COBLL1: variants seen among roughly 807,000 people sequenced by gnomAD.
The protein encoded by COBLL1 is cordon-bleu protein-like 1.
COBLL1 carries 50 observed loss-of-function variants against 94.8 expected under a neutral mutation model. The ratio of observed to expected loss-of-function variants is 0.53; its 90% CI spans 0.42 to 0.67. COBLL1 has a LOEUF of 0.67. Among genes scored for constraint, COBLL1 ranks in the 30% least tolerant of loss-of-function variants. The pLI, the probability that COBLL1 is intolerant of heterozygous loss-of-function variation, is 0.00. For synonymous variants in COBLL1, 448 were observed against 473.8 expected (o/e 0.95, Z 0.71); for missense variants, 1,362 against 1,348.7 (o/e 1.01, Z -0.15).
rs1254851043 is a variant in COBLL1, at chr2:164,729,071, G to A, written c.432+843C>T. On this transcript the variant is annotated intron_variant, in intron 4 of 13. Coordinates refer to ENST00000652658, the MANE Select transcript of COBLL1 (RefSeq NM_001365672.2). ...GGGATATGTAATAAACACCTAGACA[G>A]AAACAAATACCTAGACAGAAGGCAG... is the stretch of plus-strand genomic sequence containing the variant. Among the ~76,000 whole-genome samples, 5 of 151,596 alleles carry A rather than the reference G, an allele frequency of 3.3e-5. No homozygotes were observed. In the South Asian group the frequency reaches 8.3e-4, roughly 25 times the overall value.
chr2:164,714,781 A>G (rs1443722060), intron 7 of COBLL1, among the ~76,000 whole-genome samples: 1 of 152,198 alleles, frequency 6.6e-6, no homozygotes, highest in African/African-American at 2.4e-5. Flanking sequence ...TAGAGAGGCT[A>G]AGTAAACTTC....
chr2:164,811,291 T>A (rs1223803401), intron 2 of COBLL1, among the ~76,000 whole-genome samples: 1 of 152,012 alleles, frequency 6.6e-6, no homozygotes, highest in Non-Finnish European at 1.5e-5. Context: ...GTGTTTGGAA[T>A]TGTTCTAGAT....
chr2:164,753,031 T>A (rs1687205946), intron 2 of COBLL1, among the ~76,000 whole-genome samples: 1 of 152,158 alleles, frequency 6.6e-6, no homozygotes, highest in Non-Finnish European at 1.5e-5. Flanking sequence ...ACAAGTAGCA[T>A]TTGGTTGAAA....
intron 2 of COBLL1, among the ~76,000 whole-genome samples, chr2:164,806,166 A>T (rs932652582): frequency 6.6e-6 from 1 of 152,142 alleles, no homozygotes; most frequent in Non-Finnish European, 1.5e-5. Flanking sequence ...AGGAAAAAAA[A>T]AAACTCCAAC....
chr2:164,794,375 G>A (rs964475023), intron 2 of COBLL1, among the ~76,000 whole-genome samples: 1 of 152,126 alleles, frequency 6.6e-6, no homozygotes, highest in Non-Finnish European at 1.5e-5. Flanking sequence ...TTGAGTTTGG[G>A]AGGTATGTTA....
chr2:164,686,043 G>C lies in COBLL1; in HGVS notation c.3301-11C>G, dbSNP rs1272220559. 4.6e-6 allele frequency: 7 copies of C among 1,523,396 alleles called. No homozygotes were observed. The highest frequency in any genetic ancestry group is 6.3e-6 in the Non-Finnish European group (7 of 1,104,178). 94.4% of individuals were successfully genotyped at this position (1,523,396 alleles called of 1,614,324 possible). On this transcript the variant is annotated splice_polypyrimidine_tract_variant and intron_variant, in intron 13 of 13. Transcript: ENST00000652658. ...TGATGGAATGGTAACCTAAGAGAAA[G>C]AAACACACTTTGCACCCATCAATTT...
At chr2:164,803,088 G>T (rs1346653119) in intron 2 of COBLL1, among the ~76,000 whole-genome samples, 1 of 152,148 alleles carries the variant, frequency 6.6e-6, no homozygotes, top group African/African-American at 2.4e-5. Flanking sequence ...AAGCCTTAGT[G>T]ATCTTCTGGA....
chr2:164,810,831 A>C (rs2105338791), intron 2 of COBLL1, among the ~76,000 whole-genome samples: 1 of 152,084 alleles, frequency 6.6e-6, no homozygotes, highest in Non-Finnish European at 1.5e-5. Context: ...AAATAAATAC[A>C]TGAAGCATGC....
intron 2 of COBLL1, among the ~76,000 whole-genome samples, chr2:164,796,219 G>C (rs1683447949): frequency 6.6e-6 from 1 of 152,120 alleles, no homozygotes; most frequent in Non-Finnish European, 1.5e-5. Context: ...TGAAGGTTAC[G>C]GGGCATAACC....
intron 7 of COBLL1, among the ~76,000 whole-genome samples, chr2:164,707,616 T>C (rs1023953067): frequency 6.6e-6 from 1 of 152,172 alleles, no homozygotes; most frequent in Admixed American, 6.5e-5. Flanking sequence ...GAGATTTTTT[T>C]CCCCTACTAT....
chr2:164,710,961 A>G (rs1574453720), intron 7 of COBLL1, among the ~76,000 whole-genome samples: 3 of 152,192 alleles, frequency 2.0e-5, no homozygotes, highest in Admixed American at 2.0e-4. Flanking sequence ...TCAGAGCTAA[A>G]CTACCCACTA....
At chr2:164,769,543 G>C (rs1413109493) in intron 2 of COBLL1, among the ~76,000 whole-genome samples, 2 of 152,100 alleles carry the variant, frequency 1.3e-5, no homozygotes, top group Non-Finnish European at 2.9e-5. Context: ...CCAAATTACA[G>C]ATTAATTAAA....
At chr2:164,672,398 C>T (rs1044260881) in intron 1 of COBLL1, among the ~76,000 whole-genome samples, 12 of 151,914 alleles carry the variant, frequency 7.9e-5, no homozygotes, top group Non-Finnish European at 1.3e-4. Context: ...TTTCTTCTTC[C>T]CTTAAAAATG....
chr2:164,713,688 T>C (rs181059087), intron 7 of COBLL1, among the ~76,000 whole-genome samples: 1 of 152,270 alleles, frequency 6.6e-6, no homozygotes, highest in Non-Finnish European at 1.5e-5. Flanking sequence ...AAATATCAAG[T>C]CTTTTACCTC....
chr2:164,800,277 G>T (rs355914), intron 2 of COBLL1, among the ~76,000 whole-genome samples: 1 of 151,952 alleles, frequency 6.6e-6, no homozygotes, highest in African/African-American at 2.4e-5. Flanking sequence ...TTAAACAGTT[G>T]TCTCAAAAAA....
At chr2:164,704,598 A>C (rs10183656) in intron 8 of COBLL1, 80 bp from the exon 9 acceptor site, 14,654 of 1,202,664 alleles carry the variant, frequency 0.012, 234 homozygotes, top group African/African-American at 0.078. Flanking sequence ...TTAGTTATAT[A>C]GTTCAGAAAG....
At chr2:164,827,044 T>G (rs6710005) in intron 2 of COBLL1, among the ~76,000 whole-genome samples, 35,814 of 151,916 alleles carry the variant, frequency 0.24, 4,545 homozygotes, top group African/African-American at 0.34. Flanking sequence ...TCCACCTCCC[T>G]GGTTCAAGAG....
chr2:164,715,664 A>G (rs1685125418), intron 7 of COBLL1, among the ~76,000 whole-genome samples: 1 of 152,094 alleles, frequency 6.6e-6, no homozygotes, highest in African/African-American at 2.4e-5. Context: ...ATAATGTAAA[A>G]CATTTAAAAA....
At chr2:164,717,716 G>T (rs1685243393) in intron 7 of COBLL1, among the ~76,000 whole-genome samples, 1 of 152,012 alleles carries the variant, frequency 6.6e-6, no homozygotes, top group African/African-American at 2.4e-5. Context: ...AACATGCCTG[G>T]CTGATTTATT....
Sources: allele counts gnomAD v4.1 joint callset (sites outside exome capture counted in the v4.1 genomes callset), GRCh38; gene constraint gnomAD v4.1.1; transcripts MANE v1.5; gene names NCBI Gene and HGNC (gene_info 2026-07-23, HGNC 2026-07-21).